The following PCDH11X variants were observed in gnomAD, a reference collection of about 807,000 sequenced individuals.
PCDH11X encodes protocadherin 11 X-linked.
A neutral mutation model predicts 53.3 loss-of-function variants in PCDH11X; 18 were observed. The ratio of observed to expected loss-of-function variants is 0.34; its 90% CI spans 0.23 to 0.50. The LOEUF (loss-of-function observed/expected upper bound fraction) is 0.50, where lower values mean the gene tolerates loss of function less well. PCDH11X is among the 20% of genes least tolerant of loss of function. The pLI is 0.98. For synonymous variants in PCDH11X, 279 were observed against 393.3 expected (o/e 0.71, Z 3.44); for missense variants, 570 against 1,032.4 (o/e 0.55, Z 6.14).
At chrX:92,585,666 A>G (rs2750598) in intron 10 of PCDH11X, among the ~76,000 whole-genome samples, 1 of 111,181 alleles carries the variant, frequency 9.0e-6, no homozygotes, top group Non-Finnish European at 1.9e-5. Flanking sequence ...CACCGCGCCC[A>G]GCCAAATAGT....
At chrX:92,140,372 A>G (rs1480612282) in intron 6 of PCDH11X, among the ~76,000 whole-genome samples, 2 of 111,687 alleles carry the variant, frequency 1.8e-5, no homozygotes, top group South Asian at 7.3e-4. Flanking sequence ...TTACTAGGCT[A>G]TGTTATAGAA....
intron 6 of PCDH11X, among the ~76,000 whole-genome samples, chrX:92,071,261 C>T (rs1270695390): frequency 9.0e-6 from 1 of 110,973 alleles, no homozygotes; most frequent in Non-Finnish European, 1.9e-5. Flanking sequence ...TGCTTGATCA[C>T]GTGTGCTATT....
At chrX:92,016,770 G>A (rs2147991386) in intron 6 of PCDH11X, among the ~76,000 whole-genome samples, 1 of 111,630 alleles carries the variant, frequency 9.0e-6, no homozygotes, top group South Asian at 3.7e-4. Flanking sequence ...TATCATTTTT[G>A]TGTTCACTGG....
chrX:92,364,594 A>G (rs1374578111), intron 8 of PCDH11X, among the ~76,000 whole-genome samples: 1 of 110,804 alleles, frequency 9.0e-6, no homozygotes, highest in Non-Finnish European at 1.9e-5. Context: ...CTAATACTAA[A>G]TTTATGAAAG....
chrX:92,372,699 A>G lies in PCDH11X; in HGVS notation c.3145-15036A>G, dbSNP rs1306009041. Among the ~76,000 whole-genome samples the G allele has an allele frequency of 2.7e-5, 3 of 110,537 alleles. No homozygotes were observed. In the East Asian group the frequency reaches 8.5e-4, roughly 31 times the overall value. ...TGTATTTTAAATGAGGTAGCAATGC[A>G]TTATAAGTATTTAATAATTAGCTTA... On this transcript the variant is annotated intron_variant, in intron 8 of 10. Coordinates refer to ENST00000682573, the MANE Select transcript of PCDH11X (RefSeq NM_032968.5).
intron 6 of PCDH11X, among the ~76,000 whole-genome samples, chrX:91,910,107 G>T (rs1304156798): frequency 9.1e-6 from 1 of 109,576 alleles, no homozygotes; most frequent in Non-Finnish European, 1.9e-5. Flanking sequence ...ATTAAGATAC[G>T]ATATTTATGA....
At chrX:92,007,188 C>T (rs1221427823) in intron 6 of PCDH11X, among the ~76,000 whole-genome samples, 1 of 112,051 alleles carries the variant, frequency 8.9e-6, no homozygotes, top group African/African-American at 3.2e-5. Context: ...ATGCTCTTCC[C>T]TTCATGGCAG....
chrX:92,004,079 G>A (rs1292438982), intron 6 of PCDH11X, among the ~76,000 whole-genome samples: 1 of 109,489 alleles, frequency 9.1e-6, no homozygotes, highest in African/African-American at 3.3e-5. Flanking sequence ...TTGGTATGTT[G>A]TGTTTCCATT....
chrX:92,178,126 A>G (rs1164715682), intron 6 of PCDH11X, among the ~76,000 whole-genome samples: 2 of 111,429 alleles, frequency 1.8e-5, no homozygotes, highest in Non-Finnish European at 3.8e-5. Context: ...AAACATTTTA[A>G]CAAAAATAAT....
chrX:92,491,359 T>A, intron 10 of PCDH11X, among the ~76,000 whole-genome samples: 1 of 111,095 alleles, frequency 9.0e-6, no homozygotes, highest in Non-Finnish European at 1.9e-5. Context: ...TCCAGAAGTA[T>A]GTTGTATAGT....
At chrX:92,062,371 A>T (rs1484014171) in intron 6 of PCDH11X, among the ~76,000 whole-genome samples, 3 of 110,795 alleles carry the variant, frequency 2.7e-5, no homozygotes, top group African/African-American at 9.9e-5. Flanking sequence ...GTTCAATAGG[A>T]GTATTAGAGT....
intron 10 of PCDH11X, 99 bp downstream of exon 10, chrX:92,468,421 C>T (rs376484033): frequency 4.2e-5 from 42 of 998,484 alleles, no homozygotes; most frequent in Non-Finnish European, 5.1e-5. Flanking sequence ...TTTTGCTTCT[C>T]ATAAAACATC....
intron 5 of PCDH11X, among the ~76,000 whole-genome samples, chrX:91,871,358 TA>T (rs1939299932): frequency 1.9e-5 from 2 of 105,542 alleles, no homozygotes; most frequent in African/African-American, 7.0e-5. Context: ...TAGTTATTGA[TA>T]AATCAAGCAG....
At chrX:92,411,275 T>G (rs1439691210) in intron 9 of PCDH11X, among the ~76,000 whole-genome samples, 1 of 111,100 alleles carries the variant, frequency 9.0e-6, no homozygotes, top group East Asian at 2.8e-4. Context: ...CTTTTAAAAT[T>G]TTACTTTAAG....
chrX:92,046,094 G>T lies in PCDH11X; in HGVS notation c.3034-155281G>T, dbSNP rs186547732. On this transcript the variant is annotated intron_variant, in intron 6 of 10. Transcript: ENST00000682573. ...AGCCAACAAGTACCCACTTGTGAGA[G>T]CCAATTGTGCATCTCTTTCCAATTC... Among the ~76,000 whole-genome samples, 19 of 111,770 alleles carry T rather than the reference G, an allele frequency of 1.7e-4. No individual in the cohort carries two copies. In the Admixed American group the frequency reaches 1.8e-3, roughly 11 times the overall value.
At chrX:91,874,511 A>C (rs1051083308) in intron 5 of PCDH11X, among the ~76,000 whole-genome samples, 1 of 110,893 alleles carries the variant, frequency 9.0e-6, no homozygotes, top group African/African-American at 3.3e-5. Context: ...GCTCTTGTGA[A>C]ATTTTTTTTT....
At chrX:92,495,657 C>T (rs1394027970) in intron 10 of PCDH11X, among the ~76,000 whole-genome samples, 4 of 109,169 alleles carry the variant, frequency 3.7e-5, no homozygotes, top group African/African-American at 1.0e-4. Flanking sequence ...AAGATATACC[C>T]GAGACTGGGA....
chrX:91,936,186 C>T (rs2061442534), intron 6 of PCDH11X, among the ~76,000 whole-genome samples: 1 of 107,526 alleles, frequency 9.3e-6, no homozygotes, highest in Non-Finnish European at 1.9e-5. Context: ...TTTCTTTGTC[C>T]TATCCAGGTA....
At chrX:91,901,616 ATTATG>A (rs1940958719) in intron 6 of PCDH11X, among the ~76,000 whole-genome samples, 1 of 110,900 alleles carries the variant, frequency 9.0e-6, no homozygotes, top group African/African-American at 3.3e-5. Context: ...AATATGACTT[ATTATG>A]TGATTTTAAT....
Sources: gnomAD v4.1 joint callset for allele counts (sites outside exome capture counted in the v4.1 genomes callset) on GRCh38, gnomAD v4.1.1 for gene constraint, MANE v1.5 for transcripts, NCBI Gene and HGNC (gene_info 2026-07-23, HGNC 2026-07-21) for gene names.